The following PTPRT variants were observed in gnomAD, a reference collection of about 807,000 sequenced individuals.
PTPRT encodes the protein protein tyrosine phosphatase receptor type T.
Under a neutral mutation model 176.8 loss-of-function variants are expected in PTPRT, and 56 were observed. The observed-to-expected ratio is 0.32, with a 90% confidence interval of 0.26 to 0.40. The LOEUF is 0.40. Among genes scored for constraint, PTPRT ranks in the 10% least tolerant of loss-of-function variants. The probability of loss-of-function intolerance (pLI) is 1.00; values close to 1 mark genes in which losing one functional copy is unlikely to be tolerated. For missense variants in PTPRT, 1,540 were observed against 1,908.2 expected (o/e 0.81, Z 3.60); for synonymous variants, 783 against 739.0 (o/e 1.06, Z -0.96).
intron 1 of PTPRT, among the ~76,000 whole-genome samples, chr20:43,040,936 T>C (rs747660798): frequency 6.6e-6 from 1 of 152,200 alleles, no homozygotes; most frequent in Non-Finnish European, 1.5e-5. Flanking sequence ...TAGCATTCTT[T>C]TGCCCAGTGT....
intron 14 of PTPRT, among the ~76,000 whole-genome samples, chr20:42,245,336 A>G (rs1371809471): frequency 1.3e-5 from 2 of 152,218 alleles, no homozygotes; most frequent in East Asian, 3.8e-4. Flanking sequence ...CATTCAATAC[A>G]GCCCAGTTCA....
At chr20:42,992,449 G>A (rs183972944) in intron 1 of PTPRT, among the ~76,000 whole-genome samples, 1 of 152,330 alleles carries the variant, frequency 6.6e-6, no homozygotes, top group East Asian at 1.9e-4. Flanking sequence ...CAGTAAGCTG[G>A]CCCAGGAAGC....
chr20:42,404,193 A>G (rs1017173199), intron 9 of PTPRT, among the ~76,000 whole-genome samples: 2 of 152,174 alleles, frequency 1.3e-5, no homozygotes, highest in Non-Finnish European at 2.9e-5. Flanking sequence ...GTTCTCACCA[A>G]TGAAAAAGAG....
chr20:42,641,643 CT>C (rs1459599907), intron 7 of PTPRT, among the ~76,000 whole-genome samples: 2 of 152,152 alleles, frequency 1.3e-5, no homozygotes, highest in African/African-American at 4.8e-5. Context: ...GAATGTAATT[CT>C]TTCCAGTGGA....
At chr20:42,247,053 T>A (rs1365404428) in intron 14 of PTPRT, among the ~76,000 whole-genome samples, 1 of 152,212 alleles carries the variant, frequency 6.6e-6, no homozygotes, top group Non-Finnish European at 1.5e-5. Context: ...GACAATGTAG[T>A]GTTGACCTTA....
chr20:42,541,795 T>C (rs2072586228), intron 7 of PTPRT, among the ~76,000 whole-genome samples: 1 of 149,724 alleles, frequency 6.7e-6, no homozygotes, highest in African/African-American at 2.5e-5. Context: ...ATGGATAACA[T>C]ATATTGAATT....
rs763964405 is a variant in PTPRT at position 42,115,303 on chromosome 20, G to A, written c.2995C>T (p.Arg999Ter). 6 of 1,613,532 alleles carry A rather than the reference G, an allele frequency of 3.7e-6. No homozygotes were observed. The highest frequency in any genetic ancestry group is 2.5e-6 in the Non-Finnish European group (3 of 1,179,568). The change falls in exon 22 of 31, where the codon CGA becomes TGA. Residue 999 changes from arginine to a stop codon, truncating the protein, a stop_gained. Coordinates refer to ENST00000373187, the MANE Select transcript of PTPRT (RefSeq NM_007050.6). LOFTEE classifies it high-confidence loss of function. ...LVEVGRVKCV[R>*]YWPDDTEVYG... ...ACCTCCGTGTCATCTGGCCAGTATCGCACACATTTCACCTGTGGCCAAGTG... is the reference window on the plus strand; with the variant it reads ...ACCTCCGTGTCATCTGGCCAGTATCACACACATTTCACCTGTGGCCAAGTG...
At chr20:42,597,518 C>G (rs913820405) in intron 7 of PTPRT, among the ~76,000 whole-genome samples, 19 of 152,130 alleles carry the variant, frequency 1.2e-4, no homozygotes, top group African/African-American at 4.6e-4. Context: ...ACATCATCTT[C>G]CCTTGGTACT....
intron 7 of PTPRT, among the ~76,000 whole-genome samples, chr20:42,621,128 C>A (rs911640143): frequency 6.6e-6 from 1 of 152,108 alleles, no homozygotes; most frequent in Non-Finnish European, 1.5e-5. Context: ...TGGGTGGGGA[C>A]AAAGAGCCAA....
chr20:42,204,912 G>A (rs879822286), intron 15 of PTPRT, among the ~76,000 whole-genome samples: 3 of 151,996 alleles, frequency 2.0e-5, no homozygotes, highest in Non-Finnish European at 2.9e-5. Context: ...TCTGATGGTT[G>A]GGTCTCTATG....
intron 9 of PTPRT, among the ~76,000 whole-genome samples, chr20:42,432,843 T>C (rs2059227384): frequency 6.6e-6 from 1 of 152,196 alleles, no homozygotes; most frequent in Admixed American, 6.5e-5. Context: ...AATATATACC[T>C]TCCATGCACT....
intron 15 of PTPRT, among the ~76,000 whole-genome samples, chr20:42,233,042 C>A (rs1368399256): frequency 1.3e-5 from 2 of 152,078 alleles, no homozygotes; most frequent in African/African-American, 4.8e-5. Context: ...TTTTCTCCTA[C>A]CTGTCTGTCT....
At chr20:42,237,967 G>A (rs2056277887) in intron 14 of PTPRT, among the ~76,000 whole-genome samples, 1 of 152,088 alleles carries the variant, frequency 6.6e-6, no homozygotes, top group Non-Finnish European at 1.5e-5. Context: ...TGCAGAGTGG[G>A]GGATACGTCT....
At chr20:42,548,203 A>G (rs894696995) in intron 7 of PTPRT, among the ~76,000 whole-genome samples, 1 of 152,092 alleles carries the variant, frequency 6.6e-6, no homozygotes, top group African/African-American at 2.4e-5. Context: ...TTGGACTCCT[A>G]TAAGAACTAG....
At chr20:42,110,855 G>A (rs1300277928) in intron 22 of PTPRT, among the ~76,000 whole-genome samples, 1 of 152,074 alleles carries the variant, frequency 6.6e-6, no homozygotes, top group Non-Finnish European at 1.5e-5. Flanking sequence ...AAGAAATGTT[G>A]GCCTTAAGGA....
intron 2 of PTPRT, among the ~76,000 whole-genome samples, chr20:42,880,757 G>A (rs1011924959): frequency 5.9e-5 from 9 of 152,332 alleles, no homozygotes; most frequent in African/African-American, 1.7e-4. Context: ...CCTCAATAAC[G>A]ATAAGGTAGT....
intron 6 of PTPRT, among the ~76,000 whole-genome samples, chr20:42,715,498 C>A (rs906272381): frequency 6.6e-6 from 1 of 152,104 alleles, no homozygotes; most frequent in Non-Finnish European, 1.5e-5. Context: ...TGACTAAAAA[C>A]TACCATATCT....
At chr20:42,242,934 G>C (rs1048939697) in intron 14 of PTPRT, among the ~76,000 whole-genome samples, 1 of 151,924 alleles carries the variant, frequency 6.6e-6, no homozygotes, top group Non-Finnish European at 1.5e-5. Flanking sequence ...TAGGTTAGAG[G>C]GGTGGGGCAC....
In PTPRT at chr20:42,931,935, T is replaced by C. The variant is rs141722035; in HGVS notation, c.89-46003A>G. The stretch of plus-strand genomic sequence containing the variant: ...AGCTACGTGGCACTAAAACTCATCC[T>C]GTCAACATGTGTCCTGACTGAATCC... On this transcript the variant is annotated intron_variant, in intron 1 of 30. Coordinates refer to ENST00000373187, the MANE Select transcript of PTPRT (RefSeq NM_007050.6). Among the ~76,000 whole-genome samples the C allele has an allele frequency of 8.5e-5, 13 of 152,360 alleles. No homozygotes were observed. In the East Asian group the frequency reaches 2.3e-3, roughly 27 times the overall value.
Sources: gnomAD v4.1 joint callset for allele counts (sites outside exome capture counted in the v4.1 genomes callset) on GRCh38, gnomAD v4.1.1 for gene constraint, MANE v1.5 for transcripts, NCBI Gene and HGNC (gene_info 2026-07-23, HGNC 2026-07-21) for gene names.